Variants in SCAMP5 observed in about 807,000 individuals in gnomAD.
SCAMP5 encodes the protein secretory carrier membrane protein 5.
SCAMP5 carries 7 observed loss-of-function variants against 28.3 expected under a neutral mutation model. The observed-to-expected ratio is 0.25, with a 90% CI of 0.14 to 0.46. SCAMP5 has a LOEUF of 0.46. Ranked by LOEUF, SCAMP5 falls within the 20% of genes least tolerant of loss-of-function variation. The probability of loss-of-function intolerance (pLI) is 0.99; values close to 1 mark genes in which losing one functional copy is unlikely to be tolerated. For missense variants in SCAMP5, 192 were observed against 312.5 expected, an observed-to-expected ratio of 0.61 and a Z score of 2.91; for synonymous variants, 117 against 116.4, an observed-to-expected ratio of 1.00 and a Z score of -0.03.
At chr15:75,000,619 C>A (rs891858917) in intron 1 of SCAMP5, among the ~76,000 whole-genome samples, 1 of 150,984 alleles carries the variant, frequency 6.6e-6, no homozygotes, top group Non-Finnish European at 1.5e-5. Flanking sequence ...TTCCTGACCT[C>A]GTGATCCGCC....
chr15:75,000,391 AT>A (rs35154717), intron 1 of SCAMP5, among the ~76,000 whole-genome samples: 82 of 148,048 alleles, frequency 5.5e-4, no homozygotes, highest in African/African-American at 1.5e-3. Context: ...CTTTAAGGCC[AT>A]TTTTTTTTTT....
intron 3 of SCAMP5, among the ~76,000 whole-genome samples, chr15:75,015,700 T>C (rs1595888740): frequency 6.6e-6 from 1 of 151,902 alleles, no homozygotes; most frequent in Non-Finnish European, 1.5e-5. Context: ...CCAAGGCGGG[T>C]GGATCACCTG....
At position 75,016,580 on chromosome 15, in the gene SCAMP5, C is replaced by T. The variant is rs1356129458; in HGVS notation, c.137-13C>T. ...GTCTGTCTCTATGTGTGCATGTGCT[C>T]CTGGGCCTGCAGTGAACAGCGTCAC... On this transcript the variant is annotated splice_polypyrimidine_tract_variant and intron_variant, in intron 3 of 6. Transcript: ENST00000425597. The T allele has an allele frequency of 6.2e-6, 10 of 1,609,172 alleles. No homozygotes were observed. The East Asian group carries it at 2.2e-4, about 36-fold the overall frequency.
chr15:75,013,165 T>C (rs1310963549), intron 3 of SCAMP5: 1 of 204,648 alleles, frequency 4.9e-6, no homozygotes, highest in Non-Finnish European at 9.8e-6. Context: ...CTCTGGGGAC[T>C]GTCAGGACCT....
At chr15:75,012,864 G>A (rs774288966) in intron 3 of SCAMP5, 59 bp downstream of exon 3, 105 of 1,576,872 alleles carry the variant, frequency 6.7e-5, no homozygotes, top group South Asian at 8.9e-5. Context: ...AAGACTGGGC[G>A]TGCTGGGCAG....
At chr15:75,003,819 A>C (rs2065731550) in intron 1 of SCAMP5, among the ~76,000 whole-genome samples, 1 of 152,160 alleles carries the variant, frequency 6.6e-6, no homozygotes, top group African/African-American at 2.4e-5. Context: ...AAAATAAATA[A>C]ATAAATAAAA....
rs1049533353 is a variant in SCAMP5, at chr15:75,016,470, C to T, written c.137-123C>T. On this transcript the variant is annotated intron_variant, in intron 3 of 6. Transcript: ENST00000425597. ...CTCTGTGCTTGTCTGCGCTGTTGGCCTGGCTTGATTGTGGGTCTCTGTTGC... is the reference window on the plus strand; with the variant it reads ...CTCTGTGCTTGTCTGCGCTGTTGGCTTGGCTTGATTGTGGGTCTCTGTTGC... 4 of 857,844 alleles carry T rather than the reference C, an allele frequency of 4.7e-6. No individual in the cohort carries two copies. In the African/African-American group the frequency reaches 5.1e-5, roughly 11 times the overall value. The allele number at this position is 857,844 out of a possible 1,614,324, so 53.1% of individuals were successfully genotyped here.
Position 75,012,676 on chromosome 15 carries a change from G to A in SCAMP5, c.8-1G>A, listed in dbSNP as rs1360868741. On this transcript the variant is annotated splice_acceptor_variant, in intron 2 of 6. Transcript: ENST00000425597. LOFTEE classifies it high-confidence loss of function. ...TGTTGTGCAATGTGTCTCATCCACA[G>A]AGAAAGTGAACAACTTCCCACCATT... 1 of 1,613,996 alleles carries A rather than the reference G, an allele frequency of 6.2e-7. No homozygotes were observed. Among genetic ancestry groups the A allele is most frequent in the Non-Finnish European group, 8.5e-7 (1 of 1,179,852 alleles).
rs372625582 is a variant in SCAMP5 at position 74,999,020 on chromosome 15, T to C, written c.-49+3347T>C. ...GCTTCCTTGTTTTCCTGGAGGTCTTTAGTGCTGGACCACAGTCTCCCACTC... is the reference window on the plus strand; with the variant it reads ...GCTTCCTTGTTTTCCTGGAGGTCTTCAGTGCTGGACCACAGTCTCCCACTC... On this transcript the variant is annotated intron_variant, in intron 1 of 6. Transcript: ENST00000425597. Among the ~76,000 whole-genome samples, 3 of 152,194 alleles carry C rather than the reference T, an allele frequency of 2.0e-5. No individual in the cohort carries two copies. In the East Asian group the frequency reaches 5.8e-4, roughly 29 times the overall value.
At chr15:75,009,441 T>TTGTGTGTA (rs1555411077) in intron 1 of SCAMP5, among the ~76,000 whole-genome samples, 1 of 136,064 alleles carries the variant, frequency 7.3e-6, no homozygotes, top group Non-Finnish European at 1.6e-5. Flanking sequence ...TGCTAGAAGT[T>TTGTGTGTA]TGTGTGTGTG....
chr15:74,996,343 C>A lies in SCAMP5; in HGVS notation c.-49+670C>A. The stretch of plus-strand genomic sequence containing the variant: ...GAGGTGAGGTGTTTGTGAACCGATC[C>A]TTGTCCTCCGCCTCGGGGAGCTCCT... On this transcript the variant is annotated intron_variant, in intron 1 of 6. Transcript: ENST00000425597. This position sits in a 1 kb window ranked among gnomAD's most constrained non-coding sequence, Gnocchi z 4.1. 1 of 152,538 alleles carries A rather than the reference C, an allele frequency of 6.6e-6. No individual in the cohort carries two copies. 9.4% of individuals were successfully genotyped at this position (152,538 alleles called of 1,614,324 possible).
At chr15:75,016,193 C>T (rs2065857822) in intron 3 of SCAMP5, among the ~76,000 whole-genome samples, 1 of 152,104 alleles carries the variant, frequency 6.6e-6, no homozygotes, top group East Asian at 1.9e-4. Flanking sequence ...TTTCTACCAC[C>T]CTGAGGCTTT....
Position 75,018,037 on chromosome 15 carries a change from T to A in SCAMP5, c.395+66T>A. ...GTTGTGGGTGTATCTTTTGCTTACC[T>A]TTGTGTGCTAAGCTGTCTAGCCTAT... On this transcript the variant is annotated intron_variant, in intron 5 of 6. Coordinates refer to ENST00000425597, the MANE Select transcript of SCAMP5 (RefSeq NM_138967.4). This position sits in a 1 kb window ranked among gnomAD's most constrained non-coding sequence, Gnocchi z 5.6. The A allele has an allele frequency of 3.0e-6, 3 of 1,000,374 alleles. No individual in the cohort carries two copies. Among genetic ancestry groups the A allele is most frequent in the Non-Finnish European group, 4.7e-6 (3 of 634,922 alleles). 62.0% of individuals were successfully genotyped at this position (1,000,374 alleles called of 1,614,324 possible).
At position 75,016,627 on chromosome 15, in the gene SCAMP5, C is replaced by G; in HGVS notation, c.171C>G (p.Gly57=). The change falls in exon 4 of 7, where the codon GGC becomes GGG. Residue 57 remains glycine, a synonymous_variant. Coordinates refer to ENST00000425597, the MANE Select transcript of SCAMP5 (RefSeq NM_138967.4). ...NSVTLAVNLV[G]CLAWLIGGGG... Reference sequence around the variant, plus strand: ...TCACGCTGGCCGTGAACCTGGTGGGCTGTCTCGCGTGGCTGATCGGAGGCG... The same window carrying G: ...TCACGCTGGCCGTGAACCTGGTGGGGTGTCTCGCGTGGCTGATCGGAGGCG... The G allele has an allele frequency of 1.2e-6, 2 of 1,613,664 alleles. No homozygotes were observed. Among genetic ancestry groups the G allele is most frequent in the Non-Finnish European group, 1.7e-6 (2 of 1,179,826 alleles).
At chr15:75,002,807 T>A (rs2065722209) in intron 1 of SCAMP5, among the ~76,000 whole-genome samples, 1 of 151,970 alleles carries the variant, frequency 6.6e-6, no homozygotes, top group East Asian at 1.9e-4. Flanking sequence ...TTATATATGA[T>A]TTACAGTTCA....
Position 75,020,447 on chromosome 15 carries a change from G to A in SCAMP5, c.*1464G>A, listed in dbSNP as rs755501906. ...TGGGATTTCAGGTTAGGCAGGGTGGGAGGGGAGGCTCTCTGGCTTTAGTTT... is the reference window on the plus strand; with the variant it reads ...TGGGATTTCAGGTTAGGCAGGGTGGAAGGGGAGGCTCTCTGGCTTTAGTTT... On this transcript the variant is annotated 3_prime_UTR_variant, in exon 7 of 7. Transcript: ENST00000425597. The A allele has an allele frequency of 2.6e-5, 4 of 152,774 alleles. No homozygotes were observed. The highest frequency in any genetic ancestry group is 5.9e-5 in the Non-Finnish European group (4 of 68,168). 9.5% of individuals were successfully genotyped at this position (152,774 alleles called of 1,614,324 possible). A position where few individuals can be genotyped will look rare whatever the true frequency, so the allele number is the denominator to read the frequency against.
At chr15:75,017,840 A>G in intron 4 of SCAMP5, 30 bp from the exon 5 acceptor site, 1 of 1,479,096 alleles carries the variant, frequency 6.8e-7, no homozygotes. Context: ...CCCTCTGCCC[A>G]GGTGACGGGA....
intron 3 of SCAMP5, among the ~76,000 whole-genome samples, chr15:75,016,044 A>C (rs1447981035): frequency 6.6e-6 from 1 of 152,146 alleles, no homozygotes; most frequent in Non-Finnish European, 1.5e-5. Flanking sequence ...TGTTTCCACA[A>C]GGCCTTTTAT....
rs139633978 is a variant in SCAMP5, at chr15:75,003,982, G to A, written c.-48-7810G>A. Among the ~76,000 whole-genome samples the A allele has an allele frequency of 3.6e-3, 543 of 151,506 alleles. 2 individuals are homozygous for A. Among genetic ancestry groups the A allele is most frequent in the African/African-American group, 0.011 (454 of 41,236 alleles). ...AGCAATGGCGTGATCTCCGCTCACC[G>A]CAACCTCCGCTTCCGGGGTTCAAGC... On this transcript the variant is annotated intron_variant, in intron 1 of 6. Transcript: ENST00000425597.
Sources: allele counts gnomAD v4.1 joint callset (sites outside exome capture counted in the v4.1 genomes callset), GRCh38; gene constraint gnomAD v4.1.1; non-coding constraint Gnocchi (gnomAD v3.1); transcripts MANE v1.5; gene names NCBI Gene and HGNC (gene_info 2026-07-23, HGNC 2026-07-21).